The following BNC2 variants were observed in gnomAD, a reference collection of about 807,000 sequenced individuals.
BNC2 encodes the protein basonuclin zinc finger protein 2, also known as zinc finger protein basonuclin-2.
In BNC2, 20 loss-of-function variants were observed where a neutral mutation model predicts 76.3. The observed-to-expected ratio is 0.26, with a 90% CI of 0.18 to 0.38. The LOEUF (loss-of-function observed/expected upper bound fraction) is 0.38, where lower values mean the gene tolerates loss of function less well. BNC2 is among the 10% of genes least tolerant of loss of function. The probability of loss-of-function intolerance (pLI) is 1.00; values close to 1 mark genes in which losing one functional copy is unlikely to be tolerated. For synonymous variants in BNC2, 582 were observed against 514.8 expected (o/e 1.13, Z -1.77); for missense variants, 1,382 against 1,399.8 (o/e 0.99, Z 0.20).
intron 5 of BNC2, among the ~76,000 whole-genome samples, chr9:16,538,995 G>A (rs146397627): frequency 3.9e-5 from 6 of 152,168 alleles, no homozygotes; most frequent in African/African-American, 1.4e-4. Flanking sequence ...ACTGAAAGCT[G>A]TAACAGAGGG....
intron 1 of BNC2, among the ~76,000 whole-genome samples, chr9:16,770,180 T>C (rs1825797329): frequency 6.6e-6 from 1 of 152,124 alleles, no homozygotes; most frequent in Non-Finnish European, 1.5e-5. Context: ...AATCTCAGAA[T>C]GCGAGGCACT....
At position 16,506,494 on chromosome 9, in the gene BNC2, TTC is replaced by T. The variant is rs1228677567; in HGVS notation, c.669+46034_669+46035del. ...CCTTACTGGATCAGATAAAGTACAC[TTC>T]TCTCTCTCTCTCTCCTCTTTTTTTT... On this transcript the variant is annotated intron_variant, in intron 5 of 6. Coordinates refer to ENST00000380672, the MANE Select transcript of BNC2 (RefSeq NM_017637.6). Among the ~76,000 whole-genome samples, 7 of 142,100 alleles carry T rather than the reference TTC, an allele frequency of 4.9e-5. No individual in the cohort carries two copies. The East Asian group carries it at 6.6e-4, about 13-fold the overall frequency. The allele number at this position is 142,100 out of a possible 152,430, so 93.2% of individuals were successfully genotyped here. A position where few individuals can be genotyped will look rare whatever the true frequency, so the allele number is the denominator to read the frequency against.
intron 4 of BNC2, among the ~76,000 whole-genome samples, chr9:16,582,437 C>G (rs1819651661): frequency 6.6e-6 from 1 of 152,148 alleles, no homozygotes; most frequent in Non-Finnish European, 1.5e-5. Flanking sequence ...CACCTCCAAT[C>G]CCCATGCACA....
chr9:16,686,282 T>A (rs1214395060), intron 3 of BNC2, among the ~76,000 whole-genome samples: 37 of 152,300 alleles, frequency 2.4e-4, no homozygotes, highest in Admixed American at 2.4e-3. Context: ...TTTCTCTATA[T>A]CTAAAATTCT....
chr9:16,665,386 A>AAAGAGGG lies in BNC2; in HGVS notation c.330+62410_330+62411insCCCTCTT, dbSNP rs1554702315. Among the ~76,000 whole-genome samples, 2 of 84,302 alleles carry AAAGAGGG rather than the reference A, an allele frequency of 2.4e-5. 1 individual carries two copies. The highest frequency in any genetic ancestry group is 4.2e-5 in the Non-Finnish European group (2 of 47,328). The allele number at this position is 84,302 out of a possible 152,430, so 55.3% of individuals were successfully genotyped here. A position where few individuals can be genotyped will look rare whatever the true frequency, so the allele number is the denominator to read the frequency against. On this transcript the variant is annotated intron_variant, in intron 3 of 6. Coordinates refer to ENST00000380672, the MANE Select transcript of BNC2 (RefSeq NM_017637.6). ...CCTCTGTCTCAAAAAAAAAAAAAAA[A>AAAGAGGG]AGAGAGAGAGAGAGAGAAAGAGAGA...
At chr9:16,854,490 C>T (rs1323445115) in intron 1 of BNC2, among the ~76,000 whole-genome samples, 1 of 152,160 alleles carries the variant, frequency 6.6e-6, no homozygotes, top group Non-Finnish European at 1.5e-5. Flanking sequence ...CTCTATAAGG[C>T]ATTTAACAAA....
intron 1 of BNC2, among the ~76,000 whole-genome samples, chr9:16,743,107 CT>C (rs1406093147): frequency 6.6e-6 from 1 of 152,162 alleles, no homozygotes; most frequent in Non-Finnish European, 1.5e-5. Flanking sequence ...TTCTACCATC[CT>C]TGGAGACAGC....
At chr9:16,527,457 C>T (rs145416080) in intron 5 of BNC2, among the ~76,000 whole-genome samples, 1 of 152,260 alleles carries the variant, frequency 6.6e-6, no homozygotes, top group African/African-American at 2.4e-5. Context: ...AATGTAATGC[C>T]ACCTTTATCA....
At chr9:16,863,945 T>C (rs1195999770) in intron 1 of BNC2, among the ~76,000 whole-genome samples, 1 of 152,180 alleles carries the variant, frequency 6.6e-6, no homozygotes, top group African/African-American at 2.4e-5. Flanking sequence ...GACAAACTTT[T>C]GGGTAAAGAG....
At position 16,608,031 on chromosome 9, in the gene BNC2, G is replaced by A. The variant is rs137936149; in HGVS notation, c.331-24946C>T. Among the ~76,000 whole-genome samples, 12 of 152,238 alleles carry A rather than the reference G, an allele frequency of 7.9e-5. No individual in the cohort carries two copies. The East Asian group carries it at 2.1e-3, about 27-fold the overall frequency. ...CTGCCAGAAGGGACCACAAAGCACT[G>A]TTTAAATAAAGCCTTCAAGAAATTT... is the stretch of plus-strand genomic sequence containing the variant. On this transcript the variant is annotated intron_variant, in intron 3 of 6. Coordinates refer to ENST00000380672, the MANE Select transcript of BNC2 (RefSeq NM_017637.6).
rs1820641576 is a variant in BNC2, at chr9:16,418,700, G to C, written c.*289C>G. On this transcript the variant is annotated 3_prime_UTR_variant, in exon 7 of 7. Transcript: ENST00000380672. ...TGTGTGTGTGTGTGTGTATGTGCAT[G>C]TGTGTGTGTGTGTGTTTAAAGGGGT... 3.6e-6 allele frequency: 1 copy of C among 277,562 alleles called. No individual in the cohort carries two copies. Among genetic ancestry groups the C allele is most frequent in the East Asian group, 9.2e-5 (1 of 10,834 alleles). 17.2% of individuals were successfully genotyped at this position (277,562 alleles called of 1,614,324 possible).
chr9:16,650,550 T>C (rs188524887), intron 3 of BNC2, among the ~76,000 whole-genome samples: 1 of 152,214 alleles, frequency 6.6e-6, no homozygotes, highest in Admixed American at 6.5e-5. Flanking sequence ...TTTCAAAATT[T>C]TTTTTTATTT....
At chr9:16,539,754 GAAA>G (rs1303257873) in intron 5 of BNC2, among the ~76,000 whole-genome samples, 6,247 of 105,080 alleles carry the variant, frequency 0.059, 427 homozygotes, top group East Asian at 0.16. Context: ...GGAAGGGAAG[GAAA>G]GGAAAGGAAA....
At chr9:16,588,595 T>C (rs1385853520) in intron 3 of BNC2, among the ~76,000 whole-genome samples, 1 of 152,196 alleles carries the variant, frequency 6.6e-6, no homozygotes, top group Admixed American at 6.5e-5. Context: ...AATATTCATA[T>C]GCAAAAGTAC....
At chr9:16,565,464 G>C (rs1422981860) in intron 4 of BNC2, among the ~76,000 whole-genome samples, 1 of 152,094 alleles carries the variant, frequency 6.6e-6, no homozygotes, top group African/African-American at 2.4e-5. Flanking sequence ...GAACAAAACA[G>C]CTATGATTTG....
intron 1 of BNC2, among the ~76,000 whole-genome samples, chr9:16,767,965 A>ATT (rs764469661): frequency 7.0e-4 from 97 of 138,732 alleles, no homozygotes; most frequent in African/African-American, 1.7e-3. Context: ...AGGTTATGCA[A>ATT]TTTTTTTTTT....
chr9:16,531,139 C>A (rs1010463577), intron 5 of BNC2, among the ~76,000 whole-genome samples: 2 of 152,116 alleles, frequency 1.3e-5, no homozygotes, highest in African/African-American at 4.8e-5. Context: ...TCTAAGGGAG[C>A]CTTTATTTCT....
At chr9:16,678,443 AT>A (rs566422738) in intron 3 of BNC2, among the ~76,000 whole-genome samples, 1 of 150,276 alleles carries the variant, frequency 6.7e-6, no homozygotes, top group Non-Finnish European at 1.5e-5. Flanking sequence ...AATTTTCTGT[AT>A]TTTTTTATTA....
intron 3 of BNC2, among the ~76,000 whole-genome samples, chr9:16,585,641 A>T (rs1038420528): frequency 6.6e-6 from 1 of 152,242 alleles, no homozygotes; most frequent in Non-Finnish European, 1.5e-5. Context: ...TAAAACTTTG[A>T]CATACTATTT....
Sources: allele counts gnomAD v4.1 joint callset (sites outside exome capture counted in the v4.1 genomes callset), GRCh38; gene constraint gnomAD v4.1.1; transcripts MANE v1.5; gene names NCBI Gene and HGNC (gene_info 2026-07-23, HGNC 2026-07-21).